RBM23: variants seen among roughly 807,000 people sequenced by gnomAD.
The protein encoded by RBM23 is probable RNA-binding protein 23.
RBM23 carries 53 observed loss-of-function variants against 56.2 expected under a neutral mutation model. The observed-to-expected ratio is 0.94, with a 90% confidence interval of 0.76 to 1.19. The LOEUF (loss-of-function observed/expected upper bound fraction) is 1.19, where lower values mean the gene tolerates loss of function less well. RBM23 is among the 50% of genes most tolerant of loss of function. The probability of loss-of-function intolerance (pLI) is 0.00; values close to 1 mark genes in which losing one functional copy is unlikely to be tolerated. For missense variants in RBM23, 642 were observed against 590.3 expected (o/e 1.09, Z -0.91); for synonymous variants, 197 against 198.5 (o/e 0.99, Z 0.06).
At chr14:22,913,370 C>T (rs2042920827) in intron 1 of RBM23, among the ~76,000 whole-genome samples, 2 of 147,060 alleles carry the variant, frequency 1.4e-5, no homozygotes, top group Admixed American at 6.9e-5. Flanking sequence ...GCCGAGATCG[C>T]GCCACTGCAC....
rs780057077 is a variant in RBM23, at chr14:22,904,999, C to CT, written c.739_740insA (p.Arg247GlnfsTer30). 170 of 1,614,186 alleles carry CT rather than the reference C, an allele frequency of 1.1e-4. 2 individuals are homozygous for CT. In the South Asian group the frequency reaches 1.8e-3, roughly 17 times the overall value. On this transcript the variant is annotated frameshift_variant, in exon 9 of 14. Coordinates refer to ENST00000359890, the MANE Select transcript of RBM23 (RefSeq NM_001077351.2). LOFTEE classifies it high-confidence loss of function. ...CAGGTTGTTGGCCATGGCTGCCAGT[C>CT]GGTTTTTCTCTGCCTGGGGAAGGAG...
At chr14:22,910,434 G>A (rs2042281274) in intron 2 of RBM23, among the ~76,000 whole-genome samples, 1 of 105,968 alleles carries the variant, frequency 9.4e-6, no homozygotes, top group African/African-American at 3.6e-5. Context: ...CCTGGGCAAT[G>A]AGTGAAACTT....
chr14:22,906,769 T>C (rs2041642119), intron 4 of RBM23, among the ~76,000 whole-genome samples: 1 of 152,244 alleles, frequency 6.6e-6, no homozygotes, highest in Non-Finnish European at 1.5e-5. Context: ...CTGGGCGCGG[T>C]GGCTCACGCC....
At chr14:22,906,021 A>G in intron 5 of RBM23, 174 bp downstream of exon 5, 1 of 744,722 alleles carries the variant, frequency 1.3e-6, no homozygotes, top group Non-Finnish European at 2.2e-6. Flanking sequence ...AAGTGCTGGG[A>G]TTACAGGCAT....
At chr14:22,903,278 GAGGATTCCC>G (rs1283693509) in intron 10 of RBM23, 2 of 985,466 alleles carry the variant, frequency 2.0e-6, no homozygotes, top group Non-Finnish European at 2.4e-6. Flanking sequence ...CTGGTACAAA[GAGGATTCCC>G]AGTCTGCTGT....
intron 1 of RBM23, among the ~76,000 whole-genome samples, chr14:22,914,885 A>G (rs1443309488): frequency 6.6e-6 from 1 of 151,360 alleles, no homozygotes; most frequent in Non-Finnish European, 1.5e-5. Context: ...CAAGAGGCTA[A>G]GACAGGAGAA....
intron 1 of RBM23, 36 bp downstream of exon 1, chr14:22,918,963 G>T (rs1230391391): frequency 6.6e-6 from 1 of 152,196 alleles, no homozygotes. Context: ...ACGCATTGGT[G>T]ACGTCTGGTG....
chr14:22,917,895 A>G (rs544524835), intron 1 of RBM23: 1 of 152,332 alleles, frequency 6.6e-6, no homozygotes, highest in South Asian at 2.1e-4. Flanking sequence ...CTGCTAAAGG[A>G]GCAGAGAGAA....
Position 22,900,620 on chromosome 14 carries a change from A to T in RBM23, c.*1110T>A, listed in dbSNP as rs2040368812. The T allele has an allele frequency of 6.6e-6, 1 of 152,068 alleles. No homozygotes were observed. Among genetic ancestry groups the T allele is most frequent in the Admixed American group, 6.5e-5 (1 of 15,270 alleles). 9.4% of individuals were successfully genotyped at this position (152,068 alleles called of 1,614,324 possible). The stretch of plus-strand genomic sequence containing the variant: ...GTGTGAGTTTTCATTTTTCTTTCTA[A>T]AGGTGGTTAAATAAATAAACACAAT... On this transcript the variant is annotated 3_prime_UTR_variant, in exon 14 of 14. Coordinates refer to ENST00000359890, the MANE Select transcript of RBM23 (RefSeq NM_001077351.2).
intron 10 of RBM23, chr14:22,902,754 GTCTTT>G (rs2040792555): frequency 5.4e-6 from 1 of 185,660 alleles, no homozygotes; most frequent in Non-Finnish European, 7.6e-6. Context: ...GTAAGTTTTA[GTCTTT>G]TTTTTTTTTT....
In RBM23 at chr14:22,901,565, A is replaced by G; in HGVS notation, c.*165T>C. On this transcript the variant is annotated 3_prime_UTR_variant, in exon 14 of 14. Coordinates refer to ENST00000359890, the MANE Select transcript of RBM23 (RefSeq NM_001077351.2). ...GTCCATTTCCAGTGGGACCATGGGC[A>G]GGAGCTTTTCTTGGTATCTTAAGGG... The G allele has an allele frequency of 2.0e-6, 2 of 992,358 alleles. No homozygotes were observed. Among genetic ancestry groups the G allele is most frequent in the Non-Finnish European group, 3.0e-6 (2 of 662,718 alleles). 61.5% of individuals were successfully genotyped at this position (992,358 alleles called of 1,614,324 possible). A position where few individuals can be genotyped will look rare whatever the true frequency, so the allele number is the denominator to read the frequency against.
intron 1 of RBM23, among the ~76,000 whole-genome samples, chr14:22,916,796 G>A (rs994788500): frequency 1.3e-5 from 2 of 151,976 alleles, no homozygotes; most frequent in Admixed American, 6.5e-5. Context: ...TCCTATATCT[G>A]AGGCATGTAC....
At chr14:22,907,248 A>T (rs2041730605) in intron 4 of RBM23, among the ~76,000 whole-genome samples, 1 of 152,098 alleles carries the variant, frequency 6.6e-6, no homozygotes, top group Non-Finnish European at 1.5e-5. Flanking sequence ...AGGCTGAGGC[A>T]GGAGAATCAC....
intron 2 of RBM23, 126 bp from the exon 3 acceptor site, chr14:22,909,721 G>T: frequency 1.4e-6 from 1 of 701,440 alleles, no homozygotes; most frequent in Non-Finnish European, 2.5e-6. Context: ...CAGATTTTCA[G>T]CACCCTTATT....
chr14:22,904,085 A>G (rs1035617821), intron 10 of RBM23, 176 bp downstream of exon 10: 2 of 1,528,616 alleles, frequency 1.3e-6, no homozygotes, highest in African/African-American at 2.8e-5. Context: ...GAGCAAAGCC[A>G]AGATCTCAAG....
rs770423367 is a variant in RBM23, at chr14:22,906,385, C to T, written c.228-17G>A. ...CGACTACGACTACAGAGGGAAACAA[C>T]TACAGTCATGCCCACATCATGTTTA... On this transcript the variant is annotated splice_polypyrimidine_tract_variant and intron_variant, in intron 4 of 13. Transcript: ENST00000359890. 8.7e-6 allele frequency: 14 copies of T among 1,613,118 alleles called. No individual in the cohort carries two copies. Among genetic ancestry groups the T allele is most frequent in the Admixed American group, 1.7e-5 (1 of 59,990 alleles).
At position 22,895,385 on chromosome 14, in the gene RBM23, A is replaced by T. The variant is rs1001343926; in HGVS notation, c.*6345T>A. 2 of 152,052 alleles carry T rather than the reference A, an allele frequency of 1.3e-5. No individual in the cohort carries two copies. The highest frequency in any genetic ancestry group is 4.8e-5 in the African/African-American group (2 of 41,380). 9.4% of individuals were successfully genotyped at this position (152,052 alleles called of 1,614,324 possible). A position where few individuals can be genotyped will look rare whatever the true frequency, so the allele number is the denominator to read the frequency against. ...AAAGAAAAAATAAAAATAAATAAAT[A>T]AAAAAAATACTTATTCAGAAAGGAA... On this transcript the variant is annotated 3_prime_UTR_variant, in exon 14 of 14. Coordinates refer to ENST00000359890, the MANE Select transcript of RBM23 (RefSeq NM_001077351.2).
chr14:22,918,292 G>A (rs1295797025), intron 1 of RBM23, among the ~76,000 whole-genome samples: 1 of 152,124 alleles, frequency 6.6e-6, no homozygotes, highest in Non-Finnish European at 1.5e-5. Flanking sequence ...CTACTCGGGA[G>A]GCTGAGGCAG....
At chr14:22,902,697 A>C in intron 10 of RBM23, 1 of 1,057,534 alleles carries the variant, frequency 9.5e-7, no homozygotes. Flanking sequence ...AATGGAAGAC[A>C]AGCTAAGAAC....
Sources: gnomAD v4.1 joint callset for allele counts (sites outside exome capture counted in the v4.1 genomes callset) on GRCh38, gnomAD v4.1.1 for gene constraint, MANE v1.5 for transcripts, NCBI Gene and HGNC (gene_info 2026-07-23, HGNC 2026-07-21) for gene names.